Variants in DUS2 observed in about 807,000 individuals in gnomAD.
DUS2 encodes the protein tRNA-dihydrouridine(20) synthase [NAD(P)+]-like.
In DUS2, 52 loss-of-function variants were observed where a neutral mutation model predicts 71.3. The observed-to-expected ratio is 0.73, with a 90% CI of 0.58 to 0.92. DUS2 has a LOEUF of 0.92. DUS2 is among the 40% of genes least tolerant of loss of function. The pLI is 0.00. For missense variants in DUS2, 558 were observed against 622.6 expected, an observed-to-expected ratio of 0.90 and a Z score of 1.10; for synonymous variants, 204 against 227.8, an observed-to-expected ratio of 0.90 and a Z score of 0.94.
At chr16:68,053,151 C>T (rs532966107) in intron 4 of DUS2, among the ~76,000 whole-genome samples, 15 of 152,224 alleles carry the variant, frequency 9.9e-5, no homozygotes, top group East Asian at 5.8e-4. Flanking sequence ...TTATCAGAGA[C>T]GGTGTTTCAC....
At chr16:68,030,483 C>T (rs187531592) in intron 2 of DUS2, among the ~76,000 whole-genome samples, 4 of 152,128 alleles carry the variant, frequency 2.6e-5, no homozygotes, top group Admixed American at 2.6e-4. Context: ...CCCAGCTAAT[C>T]AGGAGGCTGA....
intron 3 of DUS2, among the ~76,000 whole-genome samples, chr16:68,044,457 A>G (rs1481854472): frequency 2.7e-5 from 4 of 149,286 alleles, no homozygotes; most frequent in East Asian, 3.9e-4. Context: ...GTACAGTGAC[A>G]TGATCTCAGC....
At chr16:68,026,614 C>T (rs2033354468) in intron 2 of DUS2, among the ~76,000 whole-genome samples, 1 of 152,040 alleles carries the variant, frequency 6.6e-6, no homozygotes, top group African/African-American at 2.4e-5. Context: ...TGTGGTGGCT[C>T]ACGCCTGTAA....
rs1400139209 is a variant in DUS2 at position 68,074,168 on chromosome 16, AT to A, written c.932+14del. The A allele has an allele frequency of 6.2e-7, 1 of 1,613,802 alleles. No homozygotes were observed. Among genetic ancestry groups the A allele is most frequent in the Non-Finnish European group, 8.5e-7 (1 of 1,179,830 alleles). On this transcript the variant is annotated intron_variant, in intron 13 of 16. Transcript: ENST00000565263. ...CCCGGGAAATTTGGTAAGAGGCACA[AT>A]AAGATGTCCATCTGTCCTTGTACGC... is the stretch of plus-strand genomic sequence containing the variant.
At chr16:68,056,262 C>A in intron 6 of DUS2, 102 bp from the exon 7 acceptor site, 2 of 964,224 alleles carry the variant, frequency 2.1e-6, no homozygotes, top group African/African-American at 1.6e-5. Flanking sequence ...GAGTCAGGGA[C>A]AGGGTAAGAG....
At chr16:68,036,037 C>G (rs946925931) in intron 2 of DUS2, among the ~76,000 whole-genome samples, 1 of 149,784 alleles carries the variant, frequency 6.7e-6, no homozygotes, top group Non-Finnish European at 1.5e-5. Flanking sequence ...TCCTCTGTTG[C>G]TCAGGCTAGA....
intron 4 of DUS2, among the ~76,000 whole-genome samples, chr16:68,050,216 C>T (rs909452094): frequency 6.6e-6 from 1 of 152,064 alleles, no homozygotes; most frequent in African/African-American, 2.4e-5. Flanking sequence ...TGGTTCACTG[C>T]AACCTCTGCC....
chr16:68,040,001 C>T (rs887139960), intron 3 of DUS2, among the ~76,000 whole-genome samples: 6 of 151,728 alleles, frequency 4.0e-5, no homozygotes, highest in Non-Finnish European at 5.9e-5. Flanking sequence ...GGAAGGAAGG[C>T]ATTAGAAGGA....
intron 4 of DUS2, among the ~76,000 whole-genome samples, chr16:68,052,413 C>CATGAAAACATCACAAGTATTT (rs2033791608): frequency 6.6e-6 from 1 of 152,112 alleles, no homozygotes; most frequent in Non-Finnish European, 1.5e-5. Context: ...CTTGGATGAC[C>CATGAAAACATCACAAGTATTT]ATGAAAACAT....
chr16:68,045,035 C>T (rs868800846), intron 3 of DUS2, among the ~76,000 whole-genome samples: 24 of 152,140 alleles, frequency 1.6e-4, no homozygotes, highest in Non-Finnish European at 1.6e-4. Context: ...TCAGGCAATC[C>T]ACCCAGCTCG....
chr16:68,057,631 GCA>G (rs1233664846), intron 7 of DUS2, among the ~76,000 whole-genome samples: 1 of 151,876 alleles, frequency 6.6e-6, no homozygotes, highest in Non-Finnish European at 1.5e-5. Context: ...TGTAATCCCA[GCA>G]CTTTGGGAGG....
At chr16:68,032,503 A>G (rs2033454427) in intron 2 of DUS2, among the ~76,000 whole-genome samples, 1 of 152,122 alleles carries the variant, frequency 6.6e-6, no homozygotes, top group Admixed American at 6.6e-5. Context: ...AAAGCATGGG[A>G]CCAGGGACCT....
Position 68,079,045 on chromosome 16 carries a change from C to A in DUS2, c.*59C>A. 1 of 1,410,220 alleles carries A rather than the reference C, an allele frequency of 7.1e-7. No homozygotes were observed. Among genetic ancestry groups the A allele is most frequent in the Non-Finnish European group, 9.6e-7 (1 of 1,042,424 alleles). The allele number at this position is 1,410,220 out of a possible 1,614,324, so 87.4% of individuals were successfully genotyped here. ...CCTGGTGCTAAGGTGGCTGTGGATG[C>A]CACAGCATGAACCAGATGCCGTTGA... is the stretch of plus-strand genomic sequence containing the variant. On this transcript the variant is annotated 3_prime_UTR_variant, in exon 17 of 17. Transcript: ENST00000565263.
chr16:68,064,682 G>A (rs2033982314), intron 8 of DUS2, among the ~76,000 whole-genome samples: 1 of 152,188 alleles, frequency 6.6e-6, no homozygotes, highest in Admixed American at 6.5e-5. Flanking sequence ...CTGCCAGGGT[G>A]ACCCTAAGAC....
At chr16:68,053,431 G>T in intron 4 of DUS2, 133 bp from the exon 5 acceptor site, 2 of 758,974 alleles carry the variant, frequency 2.6e-6, no homozygotes, top group Non-Finnish European at 4.4e-6. Flanking sequence ...GTTATTTTTG[G>T]TAAGAATGGT....
chr16:68,028,378 G>C (rs144932508), intron 2 of DUS2, among the ~76,000 whole-genome samples: 19 of 152,170 alleles, frequency 1.2e-4, no homozygotes, highest in African/African-American at 4.6e-4. Flanking sequence ...GCTCACACCT[G>C]TAATCCCAGC....
In DUS2 at chr16:68,033,495, T is replaced by A. The variant is rs191944457; in HGVS notation, c.-18-4511T>A. Among the ~76,000 whole-genome samples the A allele has an allele frequency of 4.2e-4, 63 of 151,650 alleles. 1 individual carries two copies. Among genetic ancestry groups the A allele is most frequent in the African/African-American group, 1.0e-3 (42 of 41,432 alleles). On this transcript the variant is annotated intron_variant, in intron 2 of 16. Transcript: ENST00000565263. ...TTTTTATTTAAAAATTAAAAAAAAA[T>A]TTTTTTTGAGACAGGGTCTTGCTCT...
intron 8 of DUS2, among the ~76,000 whole-genome samples, chr16:68,063,737 A>G (rs117423988): frequency 0.05 from 7,656 of 151,974 alleles, 259 homozygotes; most frequent in Non-Finnish European, 0.08. Context: ...TTATTTATTT[A>G]TTTTGAGAGG....
At chr16:68,039,521 C>T (rs2033589257) in intron 3 of DUS2, among the ~76,000 whole-genome samples, 2 of 152,074 alleles carry the variant, frequency 1.3e-5, no homozygotes, top group East Asian at 1.9e-4. Context: ...CAGGTTCACA[C>T]CATTCTTCTG....
Sources: allele counts gnomAD v4.1 joint callset (sites outside exome capture counted in the v4.1 genomes callset), GRCh38; gene constraint gnomAD v4.1.1; transcripts MANE v1.5; gene names NCBI Gene and HGNC (gene_info 2026-07-23, HGNC 2026-07-21).